The following ACVR1C variants were observed in gnomAD, a reference collection of about 807,000 sequenced individuals.
ACVR1C encodes activin A receptor type 1C, also known as activin receptor type-1C.
In ACVR1C, 23 loss-of-function variants were observed where a neutral mutation model predicts 57.9. That is an observed-to-expected ratio of 0.40 (90% confidence interval 0.29 to 0.56). ACVR1C has a LOEUF of 0.56. ACVR1C is among the 20% of genes least tolerant of loss of function. ACVR1C has a pLI of 0.50. For missense variants in ACVR1C, 480 were observed against 607.9 expected (o/e 0.79, Z 2.21); for synonymous variants, 214 against 215.3 (o/e 0.99, Z 0.05).
At chr2:157,592,288 A>G (rs1356620510) in intron 1 of ACVR1C, among the ~76,000 whole-genome samples, 1 of 152,096 alleles carries the variant, frequency 6.6e-6, no homozygotes, top group African/African-American at 2.4e-5. Flanking sequence ...GCTCCTTATA[A>G]AAATGATTAC....
rs1164076060 is a variant in ACVR1C, at chr2:157,530,801, T to C, written c.*3117A>G. 1 of 152,108 alleles carries C rather than the reference T, an allele frequency of 6.6e-6. No individual in the cohort carries two copies. The highest frequency in any genetic ancestry group is 1.9e-4 in the East Asian group (1 of 5,200). The allele number at this position is 152,108 out of a possible 1,614,324, so 9.4% of individuals were successfully genotyped here. A position where few individuals can be genotyped will look rare whatever the true frequency, so the allele number is the denominator to read the frequency against. On this transcript the variant is annotated 3_prime_UTR_variant, in exon 9 of 9. Coordinates refer to ENST00000243349, the MANE Select transcript of ACVR1C (RefSeq NM_145259.3). The stretch of plus-strand genomic sequence containing the variant: ...TCTAGATGTGACATGCCAAATATTT[T>C]AGACATAGAAGAAAGCATACAACAG...
chr2:157,577,994 C>T (rs1688704927), intron 2 of ACVR1C, among the ~76,000 whole-genome samples: 1 of 152,128 alleles, frequency 6.6e-6, no homozygotes, highest in African/African-American at 2.4e-5. Context: ...CCTTGACTTC[C>T]TGGGCTCAAG....
intron 1 of ACVR1C, among the ~76,000 whole-genome samples, chr2:157,592,717 A>G (rs933099189): frequency 6.6e-6 from 1 of 152,122 alleles, no homozygotes; most frequent in African/African-American, 2.4e-5. Context: ...CTCAACATAG[A>G]ACCTTTGTGC....
At chr2:157,618,082 G>A (rs1221759472) in intron 1 of ACVR1C, among the ~76,000 whole-genome samples, 2 of 151,616 alleles carry the variant, frequency 1.3e-5, no homozygotes. Flanking sequence ...ATAAACAGGT[G>A]GGTAAATGTA....
intron 1 of ACVR1C, among the ~76,000 whole-genome samples, chr2:157,590,913 T>C (rs1401926357): frequency 1.3e-5 from 2 of 151,980 alleles, no homozygotes; most frequent in Non-Finnish European, 2.9e-5. Flanking sequence ...CATTTTCTTA[T>C]ATGAAAGGCA....
chr2:157,538,422 A>G, intron 8 of ACVR1C, 151 bp downstream of exon 8: 1 of 679,136 alleles, frequency 1.5e-6, no homozygotes, highest in East Asian at 3.4e-5. Flanking sequence ...GCACAGCACT[A>G]AAGGGGAAAA....
chr2:157,546,670 A>G (rs1169956071), intron 4 of ACVR1C, among the ~76,000 whole-genome samples: 2 of 152,152 alleles, frequency 1.3e-5, no homozygotes, highest in Non-Finnish European at 2.9e-5. Context: ...TTTGTTACCT[A>G]TTAGGGGCAC....
chr2:157,554,089 A>G (rs1160942817), intron 3 of ACVR1C, among the ~76,000 whole-genome samples: 2 of 150,958 alleles, frequency 1.3e-5, no homozygotes, highest in African/African-American at 2.4e-5. Context: ...AGGCTCAGGT[A>G]GGAGAATCAC....
chr2:157,534,474 T>C (rs1255050914), intron 8 of ACVR1C, among the ~76,000 whole-genome samples: 1 of 152,116 alleles, frequency 6.6e-6, no homozygotes, highest in Non-Finnish European at 1.5e-5. Flanking sequence ...ATATGGGACA[T>C]GAAAAACATC....
intron 2 of ACVR1C, among the ~76,000 whole-genome samples, chr2:157,579,608 A>G (rs893108022): frequency 1.3e-5 from 2 of 152,196 alleles, no homozygotes; most frequent in Non-Finnish European, 2.9e-5. Context: ...CAATATGTGA[A>G]GCCATCATCT....
chr2:157,534,155 T>TA, intron 8 of ACVR1C, 112 bp from the exon 9 acceptor site: 3 of 880,850 alleles, frequency 3.4e-6, no homozygotes, highest in Non-Finnish European at 4.6e-6. Context: ...TTTTTTTTTT[T>TA]AAGAGATGGG....
chr2:157,574,386 T>A (rs1688595236), intron 2 of ACVR1C, among the ~76,000 whole-genome samples: 1 of 152,168 alleles, frequency 6.6e-6, no homozygotes. Context: ...TCATGAGGGC[T>A]CCACCCTCCT....
At chr2:157,584,897 G>T (rs1189585410) in intron 2 of ACVR1C, among the ~76,000 whole-genome samples, 1 of 152,182 alleles carries the variant, frequency 6.6e-6, no homozygotes, top group Non-Finnish European at 1.5e-5. Context: ...ACATTATTCA[G>T]CAATAAAAGG....
chr2:157,548,753 A>T (rs1332244095), intron 4 of ACVR1C, among the ~76,000 whole-genome samples: 1 of 152,200 alleles, frequency 6.6e-6, no homozygotes, highest in East Asian at 1.9e-4. Context: ...TGATGCTCTG[A>T]CTTGCTCCAT....
intron 1 of ACVR1C, among the ~76,000 whole-genome samples, chr2:157,607,067 G>C (rs1195572352): frequency 6.6e-6 from 1 of 151,770 alleles, no homozygotes; most frequent in African/African-American, 2.4e-5. Flanking sequence ...ATTAAAAAGG[G>C]TGTCTTTTCC....
chr2:157,588,924 C>A lies in ACVR1C; in HGVS notation c.74-1507G>T, dbSNP rs1304453241. 3.5e-5 allele frequency among the ~76,000 whole-genome samples: 5 copies of A among 141,782 alleles called. No homozygotes were observed. The East Asian group carries it at 1.0e-3, about 28-fold the overall frequency. The allele number at this position is 141,782 out of a possible 152,430, so 93.0% of individuals were successfully genotyped here. ...ATATGTACATGCTCATACACACACACCACATTTTGTATTCATTTTTTGTAT... is the reference window on the plus strand; with the variant it reads ...ATATGTACATGCTCATACACACACAACACATTTTGTATTCATTTTTTGTAT... On this transcript the variant is annotated intron_variant, in intron 1 of 8. Coordinates refer to ENST00000243349, the MANE Select transcript of ACVR1C (RefSeq NM_145259.3).
chr2:157,628,545 G>C (rs1682956047), intron 1 of ACVR1C, 27 bp downstream of exon 1: 7 of 1,602,212 alleles, frequency 4.4e-6, no homozygotes, highest in Non-Finnish European at 6.0e-6. Context: ...ACCCTCGCGG[G>C]CGTCGGGAGA....
At chr2:157,544,889 G>C (rs947685234) in intron 4 of ACVR1C, among the ~76,000 whole-genome samples, 8 of 152,072 alleles carry the variant, frequency 5.3e-5, no homozygotes, top group African/African-American at 1.2e-4. Flanking sequence ...TATTTCCTCT[G>C]TATCAATACC....
rs1687884578 is a variant in ACVR1C, at chr2:157,550,296, C to G, written c.641G>C (p.Trp214Ser). 1 of 1,614,024 alleles carries G rather than the reference C, an allele frequency of 6.2e-7. No individual in the cohort carries two copies. Among genetic ancestry groups the G allele is most frequent in the African/African-American group, 1.3e-5 (1 of 74,898 alleles). The change falls in exon 4 of 9, where the codon TGG becomes TCG. Residue 214 changes from tryptophan to serine, a missense_variant. By Grantham distance (177) the Trp-to-Ser change is radical. Transcript: ENST00000243349. Reference sequence around the variant, plus strand: ...TTTCACAGCCACATCTTCCCCACACCATCTTCCATGCCACACCTCACCAAA... The same window carrying G: ...TTTCACAGCCACATCTTCCCCACACGATCTTCCATGCCACACCTCACCAAA... Reference protein sequence around the residue: ...GRFGEVWHGRWCGEDVAVKIF... With the variant: ...GRFGEVWHGRSCGEDVAVKIF...
Sources: gnomAD v4.1 joint callset for allele counts (sites outside exome capture counted in the v4.1 genomes callset) on GRCh38, gnomAD v4.1.1 for gene constraint, MANE v1.5 for transcripts, NCBI Gene and HGNC (gene_info 2026-07-23, HGNC 2026-07-21) for gene names.